Variants in FBXO33 observed in about 807,000 individuals in gnomAD.
The protein encoded by FBXO33 is F-box only protein 33.
A neutral mutation model predicts 46.3 loss-of-function variants in FBXO33; 22 were observed. The ratio of observed to expected loss-of-function variants is 0.48; its 90% CI spans 0.34 to 0.68. The LOEUF (loss-of-function observed/expected upper bound fraction) is 0.68, where lower values mean the gene tolerates loss of function less well. Ranked by LOEUF, FBXO33 falls within the 30% of genes least tolerant of loss-of-function variation. The pLI, the probability that FBXO33 is intolerant of heterozygous loss-of-function variation, is 0.01. For missense variants in FBXO33, 692 were observed against 708.8 expected (o/e 0.98, Z 0.27); for synonymous variants, 337 against 291.3 (o/e 1.16, Z -1.60).
In FBXO33 at chr14:39,431,697, C is replaced by A; in HGVS notation, c.466G>T (p.Asp156Tyr). 1 of 1,613,438 alleles carries A rather than the reference C, an allele frequency of 6.2e-7. No individual in the cohort carries two copies. Among genetic ancestry groups the A allele is most frequent in the Non-Finnish European group, 8.5e-7 (1 of 1,180,010 alleles). Residue 156 changes from aspartate to tyrosine, a missense_variant, in exon 1 of 4, where the codon GAC becomes TAC. Asp to Tyr is a radical substitution (Grantham distance 160). This residue lies in a region of FBXO33 where 412 missense variants were observed against 370.8 expected (regional missense o/e 1.11). Coordinates refer to ENST00000298097, the MANE Select transcript of FBXO33 (RefSeq NM_203301.4). ...ENYLSGGGPG[D>Y]GGGADTGTGG... ...GTCCCGGTGTCCGCGCCACCTCCGT[C>A]CCCTGGGCCACCGCCGCTCAGATAG...
At chr14:39,403,084 T>C (rs1037610757) in intron 1 of FBXO33, among the ~76,000 whole-genome samples, 1 of 152,156 alleles carries the variant, frequency 6.6e-6, no homozygotes, top group Non-Finnish European at 1.5e-5. Context: ...CACAATGATA[T>C]ATGACAAACT....
At chr14:39,428,945 T>TCTG (rs1219037359) in intron 1 of FBXO33, among the ~76,000 whole-genome samples, 2 of 152,198 alleles carry the variant, frequency 1.3e-5, no homozygotes, top group African/African-American at 4.8e-5. Context: ...AGAAGGAATT[T>TCTG]CTGAAACGTG....
chr14:39,405,755 A>T (rs1401681167), intron 1 of FBXO33, among the ~76,000 whole-genome samples: 1 of 151,688 alleles, frequency 6.6e-6, no homozygotes, highest in African/African-American at 2.4e-5. Context: ...ATCACCCCAC[A>T]TAAGAAAAAT....
intron 1 of FBXO33, among the ~76,000 whole-genome samples, chr14:39,420,334 T>C (rs1474716150): frequency 6.6e-6 from 1 of 152,238 alleles, no homozygotes; most frequent in Non-Finnish European, 1.5e-5. Flanking sequence ...TTTTCAGACC[T>C]GCATACTTTA....
At chr14:39,407,776 G>C (rs2075405702) in intron 1 of FBXO33, among the ~76,000 whole-genome samples, 1 of 152,094 alleles carries the variant, frequency 6.6e-6, no homozygotes, top group Non-Finnish European at 1.5e-5. Context: ...AGATATCTTT[G>C]AGATCCTGAT....
At chr14:39,412,946 T>G (rs1398453682) in intron 1 of FBXO33, among the ~76,000 whole-genome samples, 1 of 152,282 alleles carries the variant, frequency 6.6e-6, no homozygotes, top group East Asian at 1.9e-4. Flanking sequence ...GCTGATAGAA[T>G]GCCTTGTCCC....
intron 1 of FBXO33, among the ~76,000 whole-genome samples, chr14:39,419,492 G>A (rs1335856015): frequency 6.6e-6 from 1 of 152,184 alleles, no homozygotes; most frequent in Non-Finnish European, 1.5e-5. Flanking sequence ...TAAAGAGACT[G>A]AGAAGAACAT....
intron 1 of FBXO33, among the ~76,000 whole-genome samples, chr14:39,404,356 T>C (rs1278740150): frequency 6.6e-6 from 1 of 152,150 alleles, no homozygotes; most frequent in Non-Finnish European, 1.5e-5. Context: ...AGATGGAGTC[T>C]CGCTCTGTCG....
chr14:39,431,480 G>C, intron 1 of FBXO33, 84 bp downstream of exon 1: 1 of 1,585,728 alleles, frequency 6.3e-7, no homozygotes, highest in Non-Finnish European at 8.5e-7. Flanking sequence ...GGCCGGGCAC[G>C]TATTATGCAC....
chr14:39,407,214 A>G (rs1410779245), intron 1 of FBXO33, among the ~76,000 whole-genome samples: 1 of 152,228 alleles, frequency 6.6e-6, no homozygotes, highest in Non-Finnish European at 1.5e-5. Flanking sequence ...ACTGAACAGA[A>G]GTATCAGTCC....
At chr14:39,420,722 T>C (rs988147326) in intron 1 of FBXO33, among the ~76,000 whole-genome samples, 2 of 151,812 alleles carry the variant, frequency 1.3e-5, no homozygotes, top group African/African-American at 4.8e-5. Context: ...GCAAATGTGG[T>C]AAAATCTTCA....
chr14:39,401,587 T>A lies in FBXO33; in HGVS notation c.985A>T (p.Ser329Cys). 6.2e-7 allele frequency: 1 copy of A among 1,614,182 alleles called. No individual in the cohort carries two copies. Among genetic ancestry groups the A allele is most frequent in the Non-Finnish European group, 8.5e-7 (1 of 1,180,028 alleles). The change falls in exon 3 of 4, where the codon AGC (serine) becomes TGC (cysteine). Residue 329 changes from serine (S) to cysteine (C), a missense_variant. By Grantham distance (112) the Ser-to-Cys change is moderately radical (BLOSUM62 -1). This residue lies in a region of FBXO33 where 186 missense variants were observed against 246.1 expected (regional missense o/e 0.76). Transcript: ENST00000298097. Reference protein sequence around the residue: ...TAEMARVLTDSNHVPLQRLSL... With the variant: ...TAEMARVLTDCNHVPLQRLSL... ...AGTCGTTGCAAAGGCACATGGTTGC[T>A]ATCAGTTAAGACTCTTGCCATCTCA...
chr14:39,404,548 G>A (rs921612898), intron 1 of FBXO33, among the ~76,000 whole-genome samples: 5 of 152,020 alleles, frequency 3.3e-5, no homozygotes, highest in Non-Finnish European at 5.9e-5. Context: ...GGATGGTGTC[G>A]ATCTCCTGAC....
intron 1 of FBXO33, among the ~76,000 whole-genome samples, chr14:39,404,702 A>T (rs962969719): frequency 1.3e-5 from 2 of 152,194 alleles, no homozygotes; most frequent in South Asian, 4.1e-4. Context: ...GGAAAAGGAA[A>T]AGCATTTGCA....
In FBXO33 at chr14:39,405,379, G is replaced by C. The variant is rs77264500; in HGVS notation, c.600-2868C>G. Among the ~76,000 whole-genome samples the C allele has an allele frequency of 3.2e-4, 49 of 152,204 alleles. 1 individual carries two copies. The East Asian group carries it at 8.7e-3, about 27-fold the overall frequency. ...GGAATAGGTGCTGGATTAGCTATAG[G>C]GGGTGAGGGGACAGTAGGCAAGAAT... On this transcript the variant is annotated intron_variant, in intron 1 of 3. Transcript: ENST00000298097.
intron 1 of FBXO33, among the ~76,000 whole-genome samples, chr14:39,431,141 C>T (rs903429543): frequency 2.9e-4 from 44 of 152,180 alleles, no homozygotes; most frequent in African/African-American, 1.0e-3. Context: ...CTCCTTCCCT[C>T]ACCATGAACT....
intron 1 of FBXO33, among the ~76,000 whole-genome samples, chr14:39,420,583 T>C (rs924490629): frequency 5.2e-4 from 79 of 152,044 alleles, no homozygotes; most frequent in African/African-American, 1.9e-3. Flanking sequence ...CCCAGCCACT[T>C]GGGAGGCTGA....
At chr14:39,411,946 T>TAA (rs2075425305) in intron 1 of FBXO33, among the ~76,000 whole-genome samples, 1 of 152,252 alleles carries the variant, frequency 6.6e-6, no homozygotes, top group African/African-American at 2.4e-5. Flanking sequence ...TCAATCTTCT[T>TAA]AAATTTGTTA....
chr14:39,402,483 C>A lies in FBXO33; in HGVS notation c.628G>T (p.Asp210Tyr), dbSNP rs2075373104. The A allele has an allele frequency of 1.9e-6, 3 of 1,540,208 alleles. No individual in the cohort carries two copies. Among genetic ancestry groups the A allele is most frequent in the African/African-American group, 1.4e-5 (1 of 72,314 alleles). ...RNLQKFSLFG[D>Y]ISVLQQQGSL... ...CCTTGCTGTTGTAGAACACTTATGT[C>A]TCCAAAAAGACTAAACTTCTGAAGG... The change falls in exon 2 of 4, where the codon GAC becomes TAC. Residue 210 changes from aspartate to tyrosine, a missense_variant. Asp to Tyr is a radical substitution (Grantham distance 160). Transcript: ENST00000298097.
Sources: allele counts gnomAD v4.1 joint callset (sites outside exome capture counted in the v4.1 genomes callset), GRCh38; gene constraint gnomAD v4.1.1; regional missense constraint gnomAD v4.1.1; transcripts MANE v1.5; gene names NCBI Gene and HGNC (gene_info 2026-07-23, HGNC 2026-07-21).